The following PDE1A variants were observed in gnomAD, a reference collection of about 807,000 sequenced individuals.
The protein encoded by PDE1A is phosphodiesterase 1A.
PDE1A carries 35 observed loss-of-function variants against 61.7 expected under a neutral mutation model. That is an observed-to-expected ratio of 0.57 (90% confidence interval 0.43 to 0.75). The LOEUF is 0.75. Ranked by LOEUF, PDE1A falls within the 30% of genes least tolerant of loss-of-function variation. The probability of loss-of-function intolerance (pLI) is 0.00; values close to 1 mark genes in which losing one functional copy is unlikely to be tolerated. For synonymous variants in PDE1A, 232 were observed against 213.2 expected, an observed-to-expected ratio of 1.09 and a Z score of -0.77; for missense variants, 597 against 630.6, an observed-to-expected ratio of 0.95 and a Z score of 0.57.
chr2:182,413,979 T>C (rs1574597608), intron 1 of PDE1A, among the ~76,000 whole-genome samples: 2 of 152,136 alleles, frequency 1.3e-5, no homozygotes, highest in Non-Finnish European at 1.5e-5. Flanking sequence ...TTAGTATTGG[T>C]AGTATTGGGT....
chr2:182,503,111 TCCTTTAACC>T (rs1019690103), intron 2 of PDE1A, among the ~76,000 whole-genome samples: 1 of 148,648 alleles, frequency 6.7e-6, no homozygotes, highest in African/African-American at 2.5e-5. Flanking sequence ...TTCTCTTCCA[TCCTTTAACC>T]CCATATCCAT....
chr2:182,154,656 C>T (rs1012313025), intron 13 of PDE1A, among the ~76,000 whole-genome samples: 1 of 152,188 alleles, frequency 6.6e-6, no homozygotes, highest in African/African-American at 2.4e-5. Flanking sequence ...ACCTTTGCTT[C>T]TCCTTTGCCT....
the PDE1A span, among the ~76,000 whole-genome samples, chr2:182,635,513 A>G: frequency 6.6e-6 from 1 of 152,176 alleles, no homozygotes. Flanking sequence ...ATTTCATTGT[A>G]TGAAAAACCA....
At chr2:182,576,718 C>A in the PDE1A span, among the ~76,000 whole-genome samples, 1 of 152,136 alleles carries the variant, frequency 6.6e-6, no homozygotes, top group Admixed American at 6.5e-5. Flanking sequence ...CTAAATCTTG[C>A]CAAAATCTGT....
chr2:182,438,020 G>T (rs1684551876), intron 2 of PDE1A, among the ~76,000 whole-genome samples: 1 of 151,730 alleles, frequency 6.6e-6, no homozygotes, highest in Non-Finnish European at 1.5e-5. Flanking sequence ...TGAGTTATTT[G>T]TTATAAATAG....
chr2:182,562,620 A>G, the PDE1A span, among the ~76,000 whole-genome samples: 3 of 152,118 alleles, frequency 2.0e-5, no homozygotes, highest in Non-Finnish European at 4.4e-5. Context: ...GAATAGTTTC[A>G]GAAGGAATGG....
chr2:182,412,198 T>C (rs987292867), intron 1 of PDE1A, among the ~76,000 whole-genome samples: 1 of 152,228 alleles, frequency 6.6e-6, no homozygotes, highest in African/African-American at 2.4e-5. Context: ...TGTATTGCAC[T>C]GTGGTTTCAA....
At chr2:182,255,241 A>C (rs1410765830) in intron 2 of PDE1A, among the ~76,000 whole-genome samples, 1 of 152,220 alleles carries the variant, frequency 6.6e-6, no homozygotes, top group Non-Finnish European at 1.5e-5. Flanking sequence ...AAAGCCAATA[A>C]GTTAATCATT....
At chr2:182,189,733 G>A (rs1180734325) in intron 10 of PDE1A, among the ~76,000 whole-genome samples, 1 of 152,182 alleles carries the variant, frequency 6.6e-6, no homozygotes, top group Non-Finnish European at 1.5e-5. Context: ...TACTTCATGA[G>A]AAGTAATTAA....
chr2:182,562,764 T>C, the PDE1A span, among the ~76,000 whole-genome samples: 7 of 152,206 alleles, frequency 4.6e-5, no homozygotes, highest in Admixed American at 3.3e-4. Flanking sequence ...AGATTCAACT[T>C]CTTCCTGGTT....
chr2:182,446,781 G>C lies in PDE1A; in HGVS notation c.101+75495C>G, dbSNP rs572753086. 3.9e-5 allele frequency among the ~76,000 whole-genome samples: 6 copies of C among 152,074 alleles called. No individual in the cohort carries two copies. In the East Asian group the frequency reaches 7.8e-4, roughly 20 times the overall value. On this transcript the variant is annotated intron_variant, in intron 2 of 14. Transcript: ENST00000410103. ...TAGAGAATAAAGAGCATGAACTCTGGAATGGCCTGCTTTGATTAGAATCCC... is the reference window on the plus strand; with the variant it reads ...TAGAGAATAAAGAGCATGAACTCTGCAATGGCCTGCTTTGATTAGAATCCC...
At chr2:182,506,813 G>A (rs541712501) in intron 2 of PDE1A, among the ~76,000 whole-genome samples, 14 of 152,198 alleles carry the variant, frequency 9.2e-5, no homozygotes, top group Non-Finnish European at 1.9e-4. Flanking sequence ...GATGTGTGGG[G>A]AGCCCTGGCC....
chr2:182,429,464 T>C (rs766223215), upstream of PDE1A, among the ~76,000 whole-genome samples: 1 of 152,092 alleles, frequency 6.6e-6, no homozygotes, highest in Admixed American at 6.6e-5. Context: ...GTTTTTTTCC[T>C]GAGGGGGGTC....
chr2:182,313,146 G>A (rs1696101246), intron 1 of PDE1A, among the ~76,000 whole-genome samples: 1 of 152,286 alleles, frequency 6.6e-6, no homozygotes. Context: ...AGGTGCAGTG[G>A]CTCACGCCTG....
chr2:182,462,967 G>A (rs1266462514), intron 2 of PDE1A, among the ~76,000 whole-genome samples: 2 of 152,134 alleles, frequency 1.3e-5, no homozygotes, highest in African/African-American at 2.4e-5. Flanking sequence ...TAGGCCGGGT[G>A]CGGTGGCTCA....
intron 1 of PDE1A, among the ~76,000 whole-genome samples, chr2:182,402,824 T>G (rs1339354643): frequency 6.6e-6 from 1 of 151,942 alleles, no homozygotes; most frequent in Admixed American, 6.6e-5. Context: ...TTAAACAAAT[T>G]TATAAGAAAA....
the PDE1A span, among the ~76,000 whole-genome samples, chr2:182,532,299 C>A: frequency 2.0e-5 from 3 of 152,106 alleles, no homozygotes; most frequent in African/African-American, 7.2e-5. Context: ...ATGCTAATTA[C>A]CCTGATGTAG....
the PDE1A span, among the ~76,000 whole-genome samples, chr2:182,657,506 T>C: frequency 6.6e-6 from 1 of 152,212 alleles, no homozygotes; most frequent in Admixed American, 6.5e-5. Flanking sequence ...GGATTTATTT[T>C]ATATTGCTAC....
At chr2:182,433,307 G>A (rs1235756587) in intron 2 of PDE1A, among the ~76,000 whole-genome samples, 1 of 152,048 alleles carries the variant, frequency 6.6e-6, no homozygotes, top group African/African-American at 2.4e-5. Context: ...CTCCTCCTCT[G>A]GGATTTCAGC....
Sources: gnomAD v4.1 joint callset for allele counts (sites outside exome capture counted in the v4.1 genomes callset) on GRCh38, gnomAD v4.1.1 for gene constraint, MANE v1.5 for transcripts, NCBI Gene and HGNC (gene_info 2026-07-23, HGNC 2026-07-21) for gene names.